Variants in APOBEC3G observed in about 807,000 individuals in gnomAD.
APOBEC3G encodes apolipoprotein B mRNA editing enzyme catalytic subunit 3G.
A neutral mutation model predicts 50.0 loss-of-function variants in APOBEC3G; 44 were observed. The ratio of observed to expected loss-of-function variants is 0.88; its 90% CI spans 0.69 to 1.13. The LOEUF is 1.13. APOBEC3G is among the 50% of genes most tolerant of loss of function. APOBEC3G has a pLI of 0.00. For synonymous variants in APOBEC3G, 156 were observed against 175.3 expected (o/e 0.89, Z 0.87); for missense variants, 469 against 492.0 (o/e 0.95, Z 0.44).
rs775275831 is a variant in APOBEC3G at position 39,086,269 on chromosome 22, T to C, written c.736-10T>C. 1 of 1,554,228 alleles carries C rather than the reference T, an allele frequency of 6.4e-7. No individual in the cohort carries two copies. On this transcript the variant is annotated splice_polypyrimidine_tract_variant and intron_variant, in intron 5 of 7. Coordinates refer to ENST00000407997, the MANE Select transcript of APOBEC3G (RefSeq NM_021822.4). Reference sequence around the variant, plus strand: ...AAAAAGATTACCTCATGGCTTGCTTTCTTTTCTAGGCTCCACATAAACACG... The same window carrying C: ...AAAAAGATTACCTCATGGCTTGCTTCCTTTTCTAGGCTCCACATAAACACG...
At chr22:39,077,482 T>C (rs1212547736) in intron 1 of APOBEC3G, 104 bp downstream of exon 1, 3 of 1,529,348 alleles carry the variant, frequency 2.0e-6, no homozygotes, top group Non-Finnish European at 2.6e-6. Context: ...GCCCCAGCCC[T>C]GGGCTCCCTC....
intron 5 of APOBEC3G, among the ~76,000 whole-genome samples, chr22:39,085,509 CAT>C (rs1346076168): frequency 3.9e-5 from 6 of 152,190 alleles, no homozygotes; most frequent in African/African-American, 1.2e-4. Context: ...GCACTGACCT[CAT>C]GTGCAGAATG....
intron 5 of APOBEC3G, among the ~76,000 whole-genome samples, chr22:39,084,561 C>T (rs1355546532): frequency 6.6e-6 from 1 of 152,036 alleles, no homozygotes; most frequent in Non-Finnish European, 1.5e-5. Context: ...GAGGACCCTC[C>T]CAGGATCCCC....
chr22:39,085,951 A>C (rs1425491631), intron 5 of APOBEC3G, among the ~76,000 whole-genome samples: 1 of 152,098 alleles, frequency 6.6e-6, no homozygotes, highest in Non-Finnish European at 1.5e-5. Flanking sequence ...CCCCCGTCTA[A>C]TTTTGTGCTG....
intron 2 of APOBEC3G, chr22:39,080,290 C>G (rs1476891384): frequency 3.3e-6 from 2 of 606,064 alleles, no homozygotes; most frequent in Admixed American, 5.9e-5. Flanking sequence ...AATTCACACA[C>G]GAGGCCATGA....
Position 39,080,933 on chromosome 22 carries a change from G to A in APOBEC3G, c.172G>A (p.Val58Met). ...PLDAKIFRGQ[V>M]YSELKYHPEM... ...TGCCCTGACCCTGCTCCTCTCCCAG[G>A]TGTATTCCGAACTTAAGTACCACCC... is the stretch of plus-strand genomic sequence containing the variant. Residue 58 changes from valine to methionine, a missense_variant and splice_region_variant, in exon 3 of 8, where the codon GTG (valine) becomes ATG (methionine). Transcript: ENST00000407997. The A allele has an allele frequency of 6.2e-7, 1 of 1,612,350 alleles. No individual in the cohort carries two copies. The highest frequency in any genetic ancestry group is 8.5e-7 in the Non-Finnish European group (1 of 1,178,940).
At chr22:39,079,484 A>C in intron 2 of APOBEC3G, 1 of 164,690 alleles carries the variant, frequency 6.1e-6, no homozygotes, top group Non-Finnish European at 1.3e-5. Flanking sequence ...CGCCCAGCTG[A>C]TTTTTTTTTT....
intron 2 of APOBEC3G, 105 bp from the exon 3 acceptor site, chr22:39,080,828 C>G: frequency 9.4e-7 from 1 of 1,061,272 alleles, no homozygotes; most frequent in Non-Finnish European, 1.3e-6. Context: ...GCTTCAATGG[C>G]AAGATCTCCT....
intron 2 of APOBEC3G, chr22:39,079,837 C>T (rs1273022063): frequency 6.6e-6 from 1 of 151,390 alleles, no homozygotes; most frequent in Non-Finnish European, 1.5e-5. Context: ...ATATTCAAAA[C>T]CGGCCTGGGC....
intron 2 of APOBEC3G, chr22:39,080,681 C>G (rs1928396646): frequency 4.0e-6 from 2 of 505,530 alleles, no homozygotes; most frequent in Non-Finnish European, 7.1e-6. Flanking sequence ...CAGTGGCACC[C>G]ACAAAGGTGC....
Position 39,081,552 on chromosome 22 carries a change from T to C in APOBEC3G, c.548T>C (p.Ile183Thr). The C allele has an allele frequency of 6.2e-7, 1 of 1,614,126 alleles. No homozygotes were observed. Among genetic ancestry groups the C allele is most frequent in the Non-Finnish European group, 8.5e-7 (1 of 1,179,970 alleles). ...EPWNNLPKYYILLHIMLGEIL... is the reference protein window; with the variant it reads ...EPWNNLPKYYTLLHIMLGEIL... ...TGGAATAATCTGCCTAAATATTATATATTACTGCACATCATGCTGGGGGAG... is the reference window on the plus strand; with the variant it reads ...TGGAATAATCTGCCTAAATATTATACATTACTGCACATCATGCTGGGGGAG... Residue 183 changes from isoleucine to threonine, a missense_variant, in exon 4 of 8, where the codon ATA (isoleucine) becomes ACA (threonine). Coordinates refer to ENST00000407997, the MANE Select transcript of APOBEC3G (RefSeq NM_021822.4).
Position 39,083,835 on chromosome 22 carries a change from A to G in APOBEC3G, c.686A>G (p.Asn229Ser), listed in dbSNP as rs1435610490. The change falls in exon 5 of 8, where the codon AAT (asparagine) becomes AGT (serine). Residue 229 changes from asparagine (N) to serine (S), a missense_variant. Asn to Ser is a conservative substitution (Grantham distance 46, BLOSUM62 1). Transcript: ENST00000407997. Reference sequence around the variant, plus strand: ...TGTTATGAGGTGGAGCGCATGCACAATGACACCTGGGTCCTGCTGAACCAG... The same window carrying G: ...TGTTATGAGGTGGAGCGCATGCACAGTGACACCTGGGTCCTGCTGAACCAG... Reference protein sequence around the residue: ...YLCYEVERMHNDTWVLLNQRR... With the variant: ...YLCYEVERMHSDTWVLLNQRR... 4 of 1,613,998 alleles carry G rather than the reference A, an allele frequency of 2.5e-6. No individual in the cohort carries two copies. The highest frequency in any genetic ancestry group is 3.4e-6 in the Non-Finnish European group (4 of 1,179,912).
intron 1 of APOBEC3G, among the ~76,000 whole-genome samples, chr22:39,077,917 GCTC>G (rs1186593607): frequency 3.3e-5 from 5 of 152,140 alleles, no homozygotes; most frequent in Non-Finnish European, 5.9e-5. Context: ...CCAAACACAC[GCTC>G]CTCCTCCACT....
rs766418500 is a variant in APOBEC3G, at chr22:39,086,391, C to T, written c.848C>T (p.Thr283Ile). The change falls in exon 6 of 8, where the codon ACC becomes ATC. Residue 283 changes from threonine (T) to isoleucine (I), a missense_variant. Thr to Ile is a moderately conservative substitution (Grantham distance 89, BLOSUM62 -1). Coordinates refer to ENST00000407997, the MANE Select transcript of APOBEC3G (RefSeq NM_021822.4). ...LDQDYRVTCF[T>I]SWSPCFSCAQ... ...CAGGACTACAGGGTTACCTGCTTCA[C>T]CTCCTGGAGCCCCTGCTTCAGCTGT... 3 of 1,614,208 alleles carry T rather than the reference C, an allele frequency of 1.9e-6. No homozygotes were observed. Among genetic ancestry groups the T allele is most frequent in the Non-Finnish European group, 2.5e-6 (3 of 1,180,034 alleles).
chr22:39,080,189 C>T, intron 2 of APOBEC3G: 1 of 764,262 alleles, frequency 1.3e-6, no homozygotes, highest in Non-Finnish European at 1.7e-6. Flanking sequence ...CCACTGACTG[C>T]AGGCAGGGAA....
Position 39,087,398 on chromosome 22 carries a change from C to T in APOBEC3G, c.1141-9C>T, listed in dbSNP as rs1032146494. 6.2e-7 allele frequency: 1 copy of T among 1,613,990 alleles called. No homozygotes were observed. The highest frequency in any genetic ancestry group is 8.5e-7 in the Non-Finnish European group (1 of 1,179,980). ...CCCTTTGCTCCATTCAACCTCCCTG[C>T]TCTTCCAGAATCAGGAAAACTGAAG... is the stretch of plus-strand genomic sequence containing the variant. On this transcript the variant is annotated splice_polypyrimidine_tract_variant and intron_variant, in intron 7 of 7. Transcript: ENST00000407997.
intron 2 of APOBEC3G, 52 bp from the exon 3 acceptor site, chr22:39,080,881 T>G: frequency 1.1e-5 from 13 of 1,140,780 alleles, no homozygotes; most frequent in Non-Finnish European, 1.5e-5. Flanking sequence ...CCACCCCTGC[T>G]CTCCTCCTGC....
chr22:39,085,182 C>A (rs2413570), intron 5 of APOBEC3G, among the ~76,000 whole-genome samples: 2 of 152,046 alleles, frequency 1.3e-5, no homozygotes, highest in Non-Finnish European at 2.9e-5. Flanking sequence ...TTGGGCTCAA[C>A]AAGGACAATC....
Position 39,086,291 on chromosome 22 carries a change from CA to C in APOBEC3G, c.749del (p.His250ProfsTer16). Reference sequence around the variant, plus strand: ...CTTTCTTTTCTAGGCTCCACATAAACACGGTTTCCTTGAAGGCCGCCATGCA... The same window carrying C: ...CTTTCTTTTCTAGGCTCCACATAAACCGGTTTCCTTGAAGGCCGCCATGCA... ...GFLCNQAPHK[H>X]GFLEGRHAEL... On this transcript the variant is annotated frameshift_variant, in exon 6 of 8. Coordinates refer to ENST00000407997, the MANE Select transcript of APOBEC3G (RefSeq NM_021822.4). LOFTEE classifies it high-confidence loss of function. 6.3e-7 allele frequency: 1 copy of C among 1,582,210 alleles called. No individual in the cohort carries two copies.
Sources: gnomAD v4.1 joint callset for allele counts (sites outside exome capture counted in the v4.1 genomes callset) on GRCh38, gnomAD v4.1.1 for gene constraint, MANE v1.5 for transcripts, NCBI Gene and HGNC (gene_info 2026-07-23, HGNC 2026-07-21) for gene names.